MCF2L2: variants seen among roughly 807,000 people sequenced by gnomAD.
The protein encoded by MCF2L2 is probable guanine nucleotide exchange factor MCF2L2.
A neutral mutation model predicts 150.2 loss-of-function variants in MCF2L2; 102 were observed. That is an observed-to-expected ratio of 0.68 (90% CI 0.58 to 0.80). MCF2L2 has a LOEUF of 0.80. Ranked by LOEUF, MCF2L2 falls within the 30% of genes least tolerant of loss-of-function variation. MCF2L2 has a pLI of 0.00. For missense variants in MCF2L2, 1,256 were observed against 1,372.8 expected (o/e 0.91, Z 1.34); for synonymous variants, 465 against 491.3 (o/e 0.95, Z 0.71).
At chr3:183,249,208 G>C (rs976348443) in intron 15 of MCF2L2, among the ~76,000 whole-genome samples, 4 of 152,234 alleles carry the variant, frequency 2.6e-5, no homozygotes, top group African/African-American at 9.6e-5. Context: ...GCAGCCCTCT[G>C]GGACCTGCAC....
At chr3:183,307,962 G>A (rs553496967) in intron 10 of MCF2L2, among the ~76,000 whole-genome samples, 7 of 152,324 alleles carry the variant, frequency 4.6e-5, no homozygotes, top group Admixed American at 6.5e-5. Context: ...CTAAGTCTTT[G>A]CATGATTACA....
chr3:183,420,204 T>G (rs902976931), intron 1 of MCF2L2, among the ~76,000 whole-genome samples: 5 of 152,238 alleles, frequency 3.3e-5, no homozygotes, highest in Admixed American at 3.3e-4. Context: ...CCTCTGCCTG[T>G]TACCCAGTTC....
chr3:183,302,661 C>T (rs1228755789), intron 10 of MCF2L2, among the ~76,000 whole-genome samples: 1 of 152,226 alleles, frequency 6.6e-6, no homozygotes, highest in African/African-American at 2.4e-5. Flanking sequence ...CCGAGAGATA[C>T]GGCTTACGGC....
chr3:183,360,144 G>T (rs1237042643), intron 3 of MCF2L2, among the ~76,000 whole-genome samples: 1 of 152,184 alleles, frequency 6.6e-6, no homozygotes, highest in Non-Finnish European at 1.5e-5. Flanking sequence ...CTTATTGAAG[G>T]ACTACAGCAG....
At chr3:183,266,983 C>G (rs976707410) in intron 15 of MCF2L2, among the ~76,000 whole-genome samples, 2 of 152,080 alleles carry the variant, frequency 1.3e-5, no homozygotes, top group African/African-American at 2.4e-5. Context: ...GATGGGGTTT[C>G]ACCATGTTGC....
chr3:183,186,057 A>G (rs2108630201), intron 27 of MCF2L2, among the ~76,000 whole-genome samples: 1 of 152,220 alleles, frequency 6.6e-6, no homozygotes, highest in East Asian at 1.9e-4. Flanking sequence ...TTTACCTCCC[A>G]GCTCAGCCAC....
intron 13 of MCF2L2, among the ~76,000 whole-genome samples, chr3:183,294,609 G>GTA (rs2108488270): frequency 7.4e-6 from 1 of 136,020 alleles, no homozygotes; most frequent in Admixed American, 7.6e-5. Context: ...ATGTGTGTGT[G>GTA]TGTGTGTATA....
intron 20 of MCF2L2, among the ~76,000 whole-genome samples, chr3:183,221,939 G>A (rs964739605): frequency 2.6e-5 from 4 of 152,200 alleles, no homozygotes; most frequent in African/African-American, 9.6e-5. Flanking sequence ...TAAGGCCCAA[G>A]AGGGCAAGGT....
intron 15 of MCF2L2, among the ~76,000 whole-genome samples, chr3:183,238,319 G>A (rs900738631): frequency 2.7e-5 from 4 of 150,224 alleles, no homozygotes; most frequent in Admixed American, 6.6e-5. Flanking sequence ...GTTTTGAGAC[G>A]GAGTCTTGCT....
intron 26 of MCF2L2, among the ~76,000 whole-genome samples, chr3:183,194,099 G>A (rs1576911882): frequency 6.6e-6 from 1 of 152,094 alleles, no homozygotes; most frequent in South Asian, 2.1e-4. Flanking sequence ...TACTCCGTAA[G>A]AGTGTGGGGG....
At chr3:183,364,908 C>T (rs1378429572) in intron 3 of MCF2L2, among the ~76,000 whole-genome samples, 3 of 152,216 alleles carry the variant, frequency 2.0e-5, no homozygotes, top group African/African-American at 4.8e-5. Context: ...GTTTCACAGG[C>T]GAATTCTACA....
At chr3:183,307,519 A>G (rs1204486344) in intron 10 of MCF2L2, among the ~76,000 whole-genome samples, 1 of 152,232 alleles carries the variant, frequency 6.6e-6, no homozygotes, top group African/African-American at 2.4e-5. Context: ...CAGGTCATCC[A>G]CAGTGGGCTA....
chr3:183,394,973 T>C (rs761114453), intron 1 of MCF2L2, among the ~76,000 whole-genome samples: 1 of 152,210 alleles, frequency 6.6e-6, no homozygotes, highest in Non-Finnish European at 1.5e-5. Flanking sequence ...ACTTTATATA[T>C]GCAACCTCAT....
rs996379700 is a variant in MCF2L2 at position 183,427,930 on chromosome 3, C to G, written c.48G>C (p.Arg16=). The change falls in exon 1 of 30, where the codon CGG becomes CGC. Residue 16 remains arginine, a synonymous_variant. Coordinates refer to ENST00000328913, the MANE Select transcript of MCF2L2 (RefSeq NM_015078.4). ...CATGAGTGATCACTGTGGCCAGTCGCCGGGTGAGCTCCTGGGGAGGCATCT... is the reference window on the plus strand; with the variant it reads ...CATGAGTGATCACTGTGGCCAGTCGGCGGGTGAGCTCCTGGGGAGGCATCT... ...KEEMPPQELT[R]RLATVITHVD... The G allele has an allele frequency of 9.9e-6, 16 of 1,614,030 alleles. No homozygotes were observed. Among genetic ancestry groups the G allele is most frequent in the African/African-American group, 2.7e-5 (2 of 74,924 alleles).
rs116048395 is a variant in MCF2L2 at position 183,289,168 on chromosome 3, C to T, written c.1728G>A (p.Glu576=). 24 of 1,614,062 alleles carry T rather than the reference C, an allele frequency of 1.5e-5. No homozygotes were observed. Among genetic ancestry groups the T allele is most frequent in the Non-Finnish European group, 2.0e-5 (24 of 1,179,954 alleles). Residue 576 remains glutamate, a synonymous_variant, in exon 14 of 30, where the codon GAG becomes GAA. Coordinates refer to ENST00000328913, the MANE Select transcript of MCF2L2 (RefSeq NM_015078.4). ...RTSEEPYTET[E]LNSRGKEDDE... is the part of the protein sequence containing the mutation. ...CATCTTCCTTTCCCCGGGAGTTCAA[C>T]TCTGTCTCCGTATAAGGTTCCTCAG...
At chr3:183,315,163 C>T (rs954140141) in intron 7 of MCF2L2, among the ~76,000 whole-genome samples, 1 of 151,430 alleles carries the variant, frequency 6.6e-6, no homozygotes, top group Non-Finnish European at 1.5e-5. Context: ...TCTCGAACTC[C>T]TGACCTCAGG....
At chr3:183,276,571 A>G (rs73884625) in intron 15 of MCF2L2, 4,572 of 305,922 alleles carry the variant, frequency 0.015, 193 homozygotes, top group African/African-American at 0.087. Flanking sequence ...ATGTGTTTAA[A>G]CCAATAATTC....
chr3:183,230,014 A>G (rs1458515826), intron 16 of MCF2L2, among the ~76,000 whole-genome samples: 1 of 152,218 alleles, frequency 6.6e-6, no homozygotes, highest in Non-Finnish European at 1.5e-5. Context: ...TTGTGGGAAG[A>G]ACAAATATAT....
intron 14 of MCF2L2, among the ~76,000 whole-genome samples, chr3:183,281,872 A>G (rs545397182): frequency 3.0e-4 from 44 of 145,040 alleles, no homozygotes; most frequent in Middle Eastern, 7.2e-3. Context: ...AATTTTGCCT[A>G]TTTCAAAATT....
Sources: allele counts gnomAD v4.1 joint callset (sites outside exome capture counted in the v4.1 genomes callset), GRCh38; gene constraint gnomAD v4.1.1; transcripts MANE v1.5; gene names NCBI Gene and HGNC (gene_info 2026-07-23, HGNC 2026-07-21).